The following PCBP3 variants were observed in gnomAD, a reference collection of about 807,000 sequenced individuals.
The protein encoded by PCBP3 is poly(rC)-binding protein 3.
In PCBP3, 25 loss-of-function variants were observed where a neutral mutation model predicts 52.7. The observed-to-expected ratio is 0.47, with a 90% CI of 0.35 to 0.66. PCBP3 has a LOEUF of 0.66. PCBP3 is among the 30% of genes least tolerant of loss of function. PCBP3 has a pLI of 0.01. For synonymous variants in PCBP3, 162 were observed against 183.0 expected (o/e 0.89, Z 0.93); for missense variants, 391 against 490.3 (o/e 0.80, Z 1.91).
intron 4 of PCBP3, among the ~76,000 whole-genome samples, chr21:45,787,346 G>C (rs2091232575): frequency 6.6e-6 from 1 of 152,020 alleles, no homozygotes; most frequent in African/African-American, 2.4e-5. Flanking sequence ...CTGGGCCCAA[G>C]TGATCCTTCC....
rs530550393 is a variant in PCBP3, at chr21:45,827,152, T to G, written c.-125-22809T>G. Among the ~76,000 whole-genome samples the G allele has an allele frequency of 7.9e-4, 120 of 152,228 alleles. No individual in the cohort carries two copies. The highest frequency in any genetic ancestry group is 2.8e-3 in the African/African-American group (115 of 41,534). ...ACTGGAGCTCCCTACCTGCTCAGGA[T>G]CTCCTTCCCATTTGGGCATCAGCTG... On this transcript the variant is annotated intron_variant, in intron 4 of 17. Coordinates refer to ENST00000681687, the MANE Select transcript of PCBP3 (RefSeq NM_001384156.1). The surrounding 1 kb of genome is among the most constrained non-coding windows in gnomAD (Gnocchi z 4.3).
At chr21:45,684,885 A>G (rs1184670482) in intron 2 of PCBP3, among the ~76,000 whole-genome samples, 1 of 152,212 alleles carries the variant, frequency 6.6e-6, no homozygotes, top group Non-Finnish European at 1.5e-5. Flanking sequence ...TTCCATTCTT[A>G]GTGTTTATAG....
chr21:45,773,429 C>T lies in PCBP3; in HGVS notation c.-126+17977C>T, dbSNP rs79294867. ...TTCCCCCAGTGTAAGTTCTTGTCAG[C>T]TTTGTTGAAGATTATGTTGAACATT... On this transcript the variant is annotated intron_variant, in intron 4 of 17. Coordinates refer to ENST00000681687, the MANE Select transcript of PCBP3 (RefSeq NM_001384156.1). 7.6e-3 allele frequency among the ~76,000 whole-genome samples: 1,158 copies of T among 152,126 alleles called. 11 individuals carry two copies. Among genetic ancestry groups the T allele is most frequent in the Non-Finnish European group, 0.013 (869 of 67,972 alleles).
chr21:45,894,957 A>G (rs1167746534), intron 5 of PCBP3, among the ~76,000 whole-genome samples: 1 of 152,260 alleles, frequency 6.6e-6, no homozygotes, highest in Admixed American at 6.5e-5. Context: ...TAATAAAATT[A>G]CAATAATTTT....
intron 4 of PCBP3, chr21:45,832,629 G>A (rs2093480270): frequency 6.6e-6 from 1 of 152,368 alleles, no homozygotes; most frequent in South Asian, 2.1e-4. Flanking sequence ...CAGTGAGTGA[G>A]TCGTGGCTTC....
intron 5 of PCBP3, among the ~76,000 whole-genome samples, chr21:45,875,307 ACT>A (rs1405750718): frequency 8.6e-5 from 13 of 151,976 alleles, no homozygotes; most frequent in African/African-American, 2.9e-4. Flanking sequence ...GCTGCGGCTG[ACT>A]CTCTGCTGCA....
intron 5 of PCBP3, among the ~76,000 whole-genome samples, chr21:45,895,902 C>T (rs933259082): frequency 7.9e-5 from 12 of 152,368 alleles, no homozygotes; most frequent in Non-Finnish European, 1.8e-4. Context: ...CTGCCAGTCT[C>T]CGGCTGCTGA....
intron 2 of PCBP3, among the ~76,000 whole-genome samples, chr21:45,692,789 A>G (rs1338234548): frequency 1.3e-5 from 2 of 152,184 alleles, no homozygotes; most frequent in African/African-American, 4.8e-5. Context: ...TATGAGGCCA[A>G]GAATATCCGG....
At chr21:45,881,714 T>C (rs2095409850) in intron 5 of PCBP3, among the ~76,000 whole-genome samples, 1 of 152,120 alleles carries the variant, frequency 6.6e-6, no homozygotes, top group Admixed American at 6.5e-5. Context: ...ACAGCTCCCA[T>C]TTCCCCCAAC....
chr21:45,648,945 TGTA>T (rs913256896), intron 1 of PCBP3, among the ~76,000 whole-genome samples: 26 of 152,268 alleles, frequency 1.7e-4, no homozygotes, highest in Non-Finnish European at 4.4e-5. Context: ...TCAGTTTTAA[TGTA>T]GTCAGATTTA....
At chr21:45,725,465 TAAC>T (rs1253298576) in intron 2 of PCBP3, among the ~76,000 whole-genome samples, 1 of 152,220 alleles carries the variant, frequency 6.6e-6, no homozygotes, top group Non-Finnish European at 1.5e-5. Context: ...AGCTTATCCT[TAAC>T]AACCCATTCT....
intron 2 of PCBP3, among the ~76,000 whole-genome samples, chr21:45,698,487 T>A (rs1010295386): frequency 6.6e-6 from 1 of 152,198 alleles, no homozygotes; most frequent in Non-Finnish European, 1.5e-5. Context: ...CTAGCAGGGC[T>A]CTCTTGGGGA....
chr21:45,915,190 T>TGGCAC (rs1240867209), intron 12 of PCBP3: 2 of 152,226 alleles, frequency 1.3e-5, no homozygotes, highest in Non-Finnish European at 2.9e-5. Context: ...CCCCAGGGCA[T>TGGCAC]GGCACACCCC....
Position 45,889,203 on chromosome 21 carries a change from T to C in PCBP3, c.11-7005T>C, listed in dbSNP as rs8126942. On this transcript the variant is annotated intron_variant, in intron 5 of 17. Transcript: ENST00000681687. ...TTCAGGCAGGAGCGCTCACAGGGGC[T>C]TCAGAGACGGTGGAGTGGAGAGAGG... Among the ~76,000 whole-genome samples, 770 of 152,276 alleles carry C rather than the reference T, an allele frequency of 5.1e-3. 7 individuals are homozygous for C. The highest frequency in any genetic ancestry group is 0.018 in the African/African-American group (745 of 41,554).
At position 45,704,983 on chromosome 21, in the gene PCBP3, G is replaced by C. The variant is rs1369922704; in HGVS notation, c.-199-30409G>C. 6.6e-6 allele frequency among the ~76,000 whole-genome samples: 1 copy of C among 152,184 alleles called. No homozygotes were observed. The highest frequency in any genetic ancestry group is 1.5e-5 in the Non-Finnish European group (1 of 68,022). On this transcript the variant is annotated intron_variant, in intron 2 of 17. Transcript: ENST00000681687. This position sits in a 1 kb window ranked among gnomAD's most constrained non-coding sequence, Gnocchi z 4.1. ...CACAGAGCCCATCTTGGGGAGGTGT[G>C]CCTCTTTTTTCTGGCTTCGGTGTGC...
intron 8 of PCBP3, 29 bp from the exon 9 acceptor site, chr21:45,900,968 T>A: frequency 6.5e-7 from 1 of 1,541,750 alleles, no homozygotes; most frequent in African/African-American, 1.4e-5. Context: ...TTTAATCAGG[T>A]CGCTGGGGTT....
chr21:45,928,787 A>G lies in PCBP3; in HGVS notation c.718-1130A>G, dbSNP rs2075810831. Reference sequence around the variant, plus strand: ...CTGGCTGTGGGTCGCAGGAGTCCACACACAGCCACGCTGGGATTTATTTGG... The same window carrying G: ...CTGGCTGTGGGTCGCAGGAGTCCACGCACAGCCACGCTGGGATTTATTTGG... On this transcript the variant is annotated intron_variant, in intron 13 of 17. Coordinates refer to ENST00000681687, the MANE Select transcript of PCBP3 (RefSeq NM_001384156.1). This position sits in a 1 kb window ranked among gnomAD's most constrained non-coding sequence, Gnocchi z 4.1. Among the ~76,000 whole-genome samples the G allele has an allele frequency of 6.6e-6, 1 of 152,194 alleles. No homozygotes were observed. The highest frequency in any genetic ancestry group is 2.4e-5 in the African/African-American group (1 of 41,454).
chr21:45,863,731 C>T (rs1027050026), intron 5 of PCBP3, among the ~76,000 whole-genome samples: 3 of 152,178 alleles, frequency 2.0e-5, no homozygotes, highest in African/African-American at 7.2e-5. Flanking sequence ...CTGATCGTTC[C>T]CAGCCTCACA....
rs1264834448 is a variant in PCBP3 at position 45,790,065 on chromosome 21, G to A, written c.-126+34613G>A. On this transcript the variant is annotated intron_variant, in intron 4 of 17. Coordinates refer to ENST00000681687, the MANE Select transcript of PCBP3 (RefSeq NM_001384156.1). Reference sequence around the variant, plus strand: ...TGAGGCAGGAGAATGGCGTGAACCCGGGAGGCGGAGCTTGCAGTGAGCCGA... The same window carrying A: ...TGAGGCAGGAGAATGGCGTGAACCCAGGAGGCGGAGCTTGCAGTGAGCCGA... Among the ~76,000 whole-genome samples the A allele has an allele frequency of 7.2e-5, 11 of 152,278 alleles. No individual in the cohort carries two copies. The South Asian group carries it at 8.3e-4, about 12-fold the overall frequency.
Sources: gnomAD v4.1 joint callset for allele counts (sites outside exome capture counted in the v4.1 genomes callset) on GRCh38, gnomAD v4.1.1 for gene constraint, Gnocchi (gnomAD v3.1) non-coding constraint, MANE v1.5 for transcripts, NCBI Gene and HGNC (gene_info 2026-07-23, HGNC 2026-07-21) for gene names.